ADGRB3: variants seen among roughly 807,000 people sequenced by gnomAD.
The protein encoded by ADGRB3 is brain-specific angiogenesis inhibitor 3.
ADGRB3 carries 37 observed loss-of-function variants against 193.4 expected under a neutral mutation model. The ratio of observed to expected loss-of-function variants is 0.19; its 90% CI spans 0.15 to 0.25. The LOEUF is 0.25. Among genes scored for constraint, ADGRB3 ranks in the 10% least tolerant of loss-of-function variants. The pLI is 1.00. For synonymous variants in ADGRB3, 690 were observed against 644.2 expected, an observed-to-expected ratio of 1.07 and a Z score of -1.08; for missense variants, 1,637 against 1,852.9, an observed-to-expected ratio of 0.88 and a Z score of 2.14.
chr6:69,309,168 A>C (rs1768127815), intron 20 of ADGRB3, among the ~76,000 whole-genome samples: 1 of 151,734 alleles, frequency 6.6e-6, no homozygotes, highest in African/African-American at 2.4e-5. Flanking sequence ...TTTTCACACA[A>C]CAAATATTTA....
chr6:69,052,715 A>T (rs1016576490), intron 15 of ADGRB3, among the ~76,000 whole-genome samples: 8 of 152,182 alleles, frequency 5.3e-5, no homozygotes, highest in African/African-American at 1.9e-4. Flanking sequence ...ATATACATTC[A>T]ACTGTCCCTT....
chr6:68,835,846 T>C (rs1288781093), intron 3 of ADGRB3, among the ~76,000 whole-genome samples: 1 of 152,172 alleles, frequency 6.6e-6, no homozygotes, highest in Non-Finnish European at 1.5e-5. Flanking sequence ...ATATCACTCA[T>C]TGTTTAGTGG....
At chr6:69,201,419 T>C (rs1161287471) in intron 17 of ADGRB3, among the ~76,000 whole-genome samples, 1 of 152,028 alleles carries the variant, frequency 6.6e-6, no homozygotes, top group Non-Finnish European at 1.5e-5. Flanking sequence ...AAATTCTCTA[T>C]TGATTATTTC....
chr6:68,755,642 T>A (rs1459493451), intron 3 of ADGRB3, among the ~76,000 whole-genome samples: 2 of 152,056 alleles, frequency 1.3e-5, no homozygotes, highest in Non-Finnish European at 2.9e-5. Flanking sequence ...GAGTCAGAGA[T>A]CAACCCAGGG....
intron 4 of ADGRB3, among the ~76,000 whole-genome samples, chr6:68,932,310 A>G (rs1767361876): frequency 6.6e-6 from 1 of 152,192 alleles, no homozygotes; most frequent in Non-Finnish European, 1.5e-5. Context: ...TTATGTGTAA[A>G]TATTATGCAA....
chr6:69,346,123 A>T (rs1016636060), intron 26 of ADGRB3, among the ~76,000 whole-genome samples: 11 of 152,230 alleles, frequency 7.2e-5, no homozygotes, highest in African/African-American at 2.7e-4. Context: ...AAAACATTCC[A>T]TGCTCATGGA....
chr6:68,965,887 AACAC>A (rs1768368034), intron 8 of ADGRB3, among the ~76,000 whole-genome samples: 1 of 152,182 alleles, frequency 6.6e-6, no homozygotes, highest in Admixed American at 6.5e-5. Context: ...TAATTTACAA[AACAC>A]ACACAAGTGC....
At position 69,361,263 on chromosome 6, in the gene ADGRB3, T is replaced by C; in HGVS notation, c.3990T>C (p.Ile1330=). 1.2e-6 allele frequency: 2 copies of C among 1,612,824 alleles called. No individual in the cohort carries two copies. The highest frequency in any genetic ancestry group is 1.7e-6 in the Non-Finnish European group (2 of 1,179,254). The part of the protein sequence containing the change: ...PSMKEESKMN[I]GMETLPHERL... The stretch of plus-strand genomic sequence containing the variant: ...TGAAAGAAGAAAGCAAAATGAATAT[T>C]GGCATGGAAACCTTGCCGCATGAAA... Residue 1330 remains isoleucine, a synonymous_variant, in exon 29 of 32, where the codon ATT becomes ATC. Coordinates refer to ENST00000370598, the MANE Select transcript of ADGRB3 (RefSeq NM_001704.3).
intron 3 of ADGRB3, among the ~76,000 whole-genome samples, chr6:68,760,109 T>A (rs753539039): frequency 1.3e-5 from 2 of 152,226 alleles, no homozygotes; most frequent in Non-Finnish European, 1.5e-5. Context: ...AGCAATTCAG[T>A]ACTTCTGATC....
intron 20 of ADGRB3, among the ~76,000 whole-genome samples, chr6:69,313,139 G>T (rs1025987041): frequency 6.6e-6 from 1 of 151,832 alleles, no homozygotes; most frequent in Non-Finnish European, 1.5e-5. Flanking sequence ...TCTAAATCCT[G>T]GATGCACATT....
intron 3 of ADGRB3, among the ~76,000 whole-genome samples, chr6:68,648,613 C>G (rs1171388146): frequency 6.6e-6 from 1 of 150,438 alleles, no homozygotes; most frequent in Non-Finnish European, 1.5e-5. Context: ...TGGAGTCAAC[C>G]ACGGAAGATT....
At chr6:69,013,271 A>G (rs1769991289) in intron 11 of ADGRB3, among the ~76,000 whole-genome samples, 1 of 152,104 alleles carries the variant, frequency 6.6e-6, no homozygotes, top group Non-Finnish European at 1.5e-5. Flanking sequence ...TGAATGGAAT[A>G]TGAACATCAA....
At chr6:68,970,330 G>C (rs1360621328) in intron 8 of ADGRB3, among the ~76,000 whole-genome samples, 1 of 150,826 alleles carries the variant, frequency 6.6e-6, no homozygotes, top group African/African-American at 2.4e-5. Context: ...TGTCACCCAG[G>C]CTGGAGTGCA....
At chr6:69,230,757 C>A (rs1420599745) in intron 17 of ADGRB3, among the ~76,000 whole-genome samples, 2 of 152,220 alleles carry the variant, frequency 1.3e-5, no homozygotes, top group African/African-American at 2.4e-5. Flanking sequence ...TACCCACCCC[C>A]CTCCTCACCT....
intron 29 of ADGRB3, among the ~76,000 whole-genome samples, chr6:69,361,735 A>G (rs931715513): frequency 2.0e-5 from 3 of 151,800 alleles, no homozygotes; most frequent in African/African-American, 7.3e-5. Flanking sequence ...ATTCAAGATA[A>G]TATTTGAAAA....
At chr6:68,970,674 G>T (rs1447163407) in intron 8 of ADGRB3, among the ~76,000 whole-genome samples, 1 of 151,996 alleles carries the variant, frequency 6.6e-6, no homozygotes, top group African/African-American at 2.4e-5. Flanking sequence ...CATTAACAGG[G>T]CCTAGCTCTA....
chr6:68,738,924 G>T (rs906505336), intron 3 of ADGRB3, among the ~76,000 whole-genome samples: 1 of 152,104 alleles, frequency 6.6e-6, no homozygotes, highest in Non-Finnish European at 1.5e-5. Context: ...TATGATCTGG[G>T]TCACTCCAAC....
chr6:69,030,260 C>A (rs1395368309), intron 13 of ADGRB3, among the ~76,000 whole-genome samples: 1 of 152,072 alleles, frequency 6.6e-6, no homozygotes, highest in Admixed American at 6.5e-5. Context: ...AATCCCATTG[C>A]TAGGTATATA....
intron 17 of ADGRB3, among the ~76,000 whole-genome samples, chr6:69,144,686 T>C (rs796893952): frequency 7.2e-5 from 11 of 152,348 alleles, no homozygotes; most frequent in African/African-American, 2.6e-4. Flanking sequence ...TTATCCTTGA[T>C]TCTGTTGATA....
Sources: allele counts gnomAD v4.1 joint callset (sites outside exome capture counted in the v4.1 genomes callset), GRCh38; gene constraint gnomAD v4.1.1; transcripts MANE v1.5; gene names NCBI Gene and HGNC (gene_info 2026-07-23, HGNC 2026-07-21).